Variants in EDIL3 observed in about 807,000 individuals in gnomAD.
EDIL3 encodes the protein EGF-like repeat and discoidin I-like domain-containing protein 3.
A neutral mutation model predicts 67.4 loss-of-function variants in EDIL3; 37 were observed. The ratio of observed to expected loss-of-function variants is 0.55; its 90% CI spans 0.42 to 0.72. EDIL3 has a LOEUF of 0.72. EDIL3 is among the 30% of genes least tolerant of loss of function. EDIL3 has a pLI of 0.00. For missense variants in EDIL3, 527 were observed against 586.3 expected (o/e 0.90, Z 1.04); for synonymous variants, 195 against 196.3 (o/e 0.99, Z 0.05).
chr5:84,245,217 T>A (rs1006289775), intron 2 of EDIL3, among the ~76,000 whole-genome samples: 1 of 152,220 alleles, frequency 6.6e-6, no homozygotes, highest in Admixed American at 6.5e-5. Context: ...ACTACAGTAA[T>A]CAAATGTTTG....
chr5:83,953,597 T>C lies in EDIL3; in HGVS notation c.1293+9608A>G, dbSNP rs896337620. Among the ~76,000 whole-genome samples the C allele has an allele frequency of 3.3e-5, 5 of 151,910 alleles. 1 individual carries two copies. Among genetic ancestry groups the C allele is most frequent in the African/African-American group, 1.2e-4 (5 of 41,510 alleles). On this transcript the variant is annotated intron_variant, in intron 10 of 10. Coordinates refer to ENST00000296591, the MANE Select transcript of EDIL3 (RefSeq NM_005711.5). ...AGACATTTCATTTATCTGTTCAAAA[T>C]TGATGTTGTTTCTAACTTTACTGGA...
intron 6 of EDIL3, among the ~76,000 whole-genome samples, chr5:84,091,997 TCTCAAAAATGATAGGAA>T (rs1424716866): frequency 6.6e-6 from 1 of 152,054 alleles, no homozygotes; most frequent in African/African-American, 2.4e-5. Flanking sequence ...AATAAGAAAC[TCTCAAAAATGATAGGAA>T]CTCAAAAATG....
At chr5:84,233,398 TTCA>T (rs1451435770) in intron 2 of EDIL3, among the ~76,000 whole-genome samples, 23 of 152,294 alleles carry the variant, frequency 1.5e-4, no homozygotes, top group African/African-American at 5.3e-4. Flanking sequence ...CAAAGTTTAT[TTCA>T]CTGGGAAACA....
intron 9 of EDIL3, among the ~76,000 whole-genome samples, chr5:83,973,447 G>A (rs889393879): frequency 1.3e-5 from 2 of 152,010 alleles, no homozygotes; most frequent in African/African-American, 2.4e-5. Context: ...TTTTAAGTAG[G>A]ACCTGAAAGA....
intron 3 of EDIL3, among the ~76,000 whole-genome samples, chr5:84,188,771 A>C (rs2112365353): frequency 6.6e-6 from 1 of 152,240 alleles, no homozygotes; most frequent in Non-Finnish European, 1.5e-5. Flanking sequence ...AGGAAAAGCC[A>C]AGTGAAGCCA....
intron 9 of EDIL3, among the ~76,000 whole-genome samples, chr5:84,016,225 T>C (rs138815985): frequency 3.9e-5 from 6 of 152,326 alleles, no homozygotes; most frequent in African/African-American, 1.4e-4. Context: ...GTTACAGTTC[T>C]TAGAGCAAAT....
At chr5:84,362,671 T>A (rs9293370) in intron 1 of EDIL3, among the ~76,000 whole-genome samples, 41,124 of 151,876 alleles carry the variant, frequency 0.27, 6,889 homozygotes, top group Middle Eastern at 0.39. Flanking sequence ...CCTGGAAGAG[T>A]TCTTCATGCC....
At chr5:84,238,666 T>TTTTTTTTG (rs1744728352) in intron 2 of EDIL3, among the ~76,000 whole-genome samples, 1 of 1,446 alleles carries the variant, frequency 6.9e-4, no homozygotes. Context: ...AAATTAAATG[T>TTTTTTTTG]TTTTTTTTTT....
At chr5:84,069,927 G>A (rs919182089) in intron 6 of EDIL3, among the ~76,000 whole-genome samples, 13 of 152,072 alleles carry the variant, frequency 8.5e-5, no homozygotes, top group Non-Finnish European at 1.5e-4. Flanking sequence ...AGAGCACACA[G>A]GTGGCTGGAT....
At chr5:84,049,812 A>G (rs1174467121) in intron 9 of EDIL3, among the ~76,000 whole-genome samples, 2 of 152,132 alleles carry the variant, frequency 1.3e-5, no homozygotes, top group African/African-American at 2.4e-5. Flanking sequence ...AGGCCCTCAC[A>G]CATTTTTGCC....
chr5:84,295,821 T>C (rs533812566), intron 1 of EDIL3, among the ~76,000 whole-genome samples: 1 of 152,288 alleles, frequency 6.6e-6, no homozygotes, highest in East Asian at 1.9e-4. Context: ...TGGAAGCATT[T>C]TGAATACCCA....
chr5:84,081,122 G>A (rs1264277541), intron 6 of EDIL3, among the ~76,000 whole-genome samples: 1 of 152,128 alleles, frequency 6.6e-6, no homozygotes, highest in Non-Finnish European at 1.5e-5. Context: ...CACCACCAGG[G>A]GTGAAAGCTG....
intron 3 of EDIL3, among the ~76,000 whole-genome samples, chr5:84,228,129 C>T (rs1744489492): frequency 6.6e-6 from 1 of 151,806 alleles, no homozygotes. Flanking sequence ...GTTCAATAGC[C>T]CATGTAGCTA....
intron 7 of EDIL3, among the ~76,000 whole-genome samples, chr5:84,065,272 C>T (rs1256503637): frequency 6.6e-6 from 1 of 152,094 alleles, no homozygotes; most frequent in Non-Finnish European, 1.5e-5. Context: ...CTCTCTAATG[C>T]TATGATTAGA....
At chr5:84,062,836 C>A (rs748413527) in intron 8 of EDIL3, among the ~76,000 whole-genome samples, 1 of 152,030 alleles carries the variant, frequency 6.6e-6, no homozygotes, top group Non-Finnish European at 1.5e-5. Flanking sequence ...GTGCCTCATG[C>A]CACAAATTTT....
Position 84,244,414 on chromosome 5 carries a change from G to C in EDIL3, c.196+9670C>G, listed in dbSNP as rs182132128. On this transcript the variant is annotated intron_variant, in intron 2 of 10. Coordinates refer to ENST00000296591, the MANE Select transcript of EDIL3 (RefSeq NM_005711.5). The stretch of plus-strand genomic sequence containing the variant: ...TCATTTCAGCCTCCTGAGTAGCGGG[G>C]ATTACAGGTGTGCACCACCACACCT... Among the ~76,000 whole-genome samples the C allele has an allele frequency of 2.5e-3, 373 of 151,404 alleles. 1 individual carries two copies. Among genetic ancestry groups the C allele is most frequent in the African/African-American group, 8.4e-3 (347 of 41,284 alleles).
At chr5:84,320,355 G>C (rs1041949708) in intron 1 of EDIL3, among the ~76,000 whole-genome samples, 2 of 152,002 alleles carry the variant, frequency 1.3e-5, no homozygotes, top group Admixed American at 1.3e-4. Context: ...CTAAAAGATT[G>C]TTAGAAAAGC....
At chr5:84,150,280 T>TA (rs758402571) in intron 4 of EDIL3, among the ~76,000 whole-genome samples, 1 of 152,132 alleles carries the variant, frequency 6.6e-6, no homozygotes, top group Non-Finnish European at 1.5e-5. Context: ...AAGTGAAACT[T>TA]AAAACTATTT....
At chr5:84,137,029 G>A (rs1580344289) in intron 5 of EDIL3, among the ~76,000 whole-genome samples, 1 of 152,038 alleles carries the variant, frequency 6.6e-6, no homozygotes, top group African/African-American at 2.4e-5. Context: ...GAGAATATGT[G>A]TGCATTAATA....
Sources: gnomAD v4.1 joint callset for allele counts (sites outside exome capture counted in the v4.1 genomes callset) on GRCh38, gnomAD v4.1.1 for gene constraint, MANE v1.5 for transcripts, NCBI Gene and HGNC (gene_info 2026-07-23, HGNC 2026-07-21) for gene names.